Variants in KIF21B observed in about 807,000 individuals in gnomAD.
The protein encoded by KIF21B is kinesin family member 21B, also known as kinesin-like protein KIF21B.
A neutral mutation model predicts 192.9 loss-of-function variants in KIF21B; 85 were observed. That is an observed-to-expected ratio of 0.44 (90% CI 0.37 to 0.53). KIF21B has a LOEUF of 0.53. KIF21B is among the 20% of genes least tolerant of loss of function. The pLI, the probability that KIF21B is intolerant of heterozygous loss-of-function variation, is 0.00. For synonymous variants in KIF21B, 832 were observed against 884.6 expected (o/e 0.94, Z 1.05); for missense variants, 1,716 against 2,194.8 (o/e 0.78, Z 4.36).
intron 1 of KIF21B, among the ~76,000 whole-genome samples, chr1:201,012,764 C>T (rs1180770484): frequency 6.6e-6 from 1 of 152,190 alleles, no homozygotes; most frequent in Non-Finnish European, 1.5e-5. Flanking sequence ...CCACCTCAGC[C>T]TCCCAAGTAG....
In KIF21B at chr1:200,976,804, A is replaced by G. The variant is rs762317273; in HGVS notation, c.4415T>C (p.Val1472Ala). 3.1e-6 allele frequency: 5 copies of G among 1,613,330 alleles called. No individual in the cohort carries two copies. The East Asian group carries it at 8.9e-5, about 29-fold the overall frequency. Residue 1472 changes from valine to alanine, a missense_variant, in exon 32 of 35, where the codon GTG (valine) becomes GCG (alanine). Val to Ala is a moderately conservative substitution (Grantham distance 64, BLOSUM62 0). Coordinates refer to ENST00000461742, the MANE Select transcript of KIF21B (RefSeq NM_001252102.2). ...AACGTAGTGGTCCTTGGAGCCAGTC[A>G]CCACGAGGTCATGCTGGCTGGCCGT... Reference protein sequence around the residue: ...TQTASQHDLVVTGSKDHYVKM... With the variant: ...TQTASQHDLVATGSKDHYVKM...
chr1:200,983,380 A>G (rs1162230772), intron 27 of KIF21B, among the ~76,000 whole-genome samples: 1 of 152,092 alleles, frequency 6.6e-6, no homozygotes, highest in East Asian at 1.9e-4. Flanking sequence ...AGCCCCACAC[A>G]TGGGGAGACG....
At chr1:201,010,208 T>G (rs966508915) in intron 1 of KIF21B, among the ~76,000 whole-genome samples, 1 of 152,194 alleles carries the variant, frequency 6.6e-6, no homozygotes, top group Non-Finnish European at 1.5e-5. Context: ...GCTGGAGCTC[T>G]GCTTCCTTTC....
At chr1:200,981,124 T>C in intron 28 of KIF21B, 28 bp from the exon 29 acceptor site, 2 of 1,571,908 alleles carry the variant, frequency 1.3e-6, no homozygotes, top group South Asian at 1.2e-5. Flanking sequence ...AGAGAAGGCA[T>C]GCTCGTCAGC....
At chr1:200,992,889 T>A in intron 15 of KIF21B, among the ~76,000 whole-genome samples, 1 of 152,158 alleles carries the variant, frequency 6.6e-6, no homozygotes. Context: ...CCAGGCACCC[T>A]CCTCATGACA....
chr1:201,010,335 G>A (rs377043021), intron 1 of KIF21B, among the ~76,000 whole-genome samples: 1 of 152,070 alleles, frequency 6.6e-6, no homozygotes, highest in Non-Finnish European at 1.5e-5. Flanking sequence ...CCTGGGGTGC[G>A]CTCCCAACCC....
intron 3 of KIF21B, among the ~76,000 whole-genome samples, chr1:201,007,261 GACAC>G: frequency 1.4e-5 from 1 of 72,116 alleles, no homozygotes; most frequent in Non-Finnish European, 2.8e-5. Flanking sequence ...GACACACACA[GACAC>G]ACACACGCAG....
intron 15 of KIF21B, among the ~76,000 whole-genome samples, chr1:200,995,972 C>T (rs549858630): frequency 6.6e-6 from 1 of 152,288 alleles, no homozygotes; most frequent in South Asian, 2.1e-4. Flanking sequence ...ACCCCAGCAT[C>T]CCCGCACACT....
At position 200,996,395 on chromosome 1, in the gene KIF21B, C is replaced by T; in HGVS notation, c.2078G>A (p.Ser693Asn). Residue 693 changes from serine (S) to asparagine (N), a missense_variant and splice_region_variant, in exon 15 of 35, where the codon AGC (serine) becomes AAC (asparagine). Coordinates refer to ENST00000461742, the MANE Select transcript of KIF21B (RefSeq NM_001252102.2). ...LERDRVLQNL[S>N]TMECYTEEKA... Reference sequence around the variant, plus strand: ...CTCCTCAGTATAGCACTCCATGGTGCCTGAGAGCAAGGAGACGCAGCTGTC... The same window carrying T: ...CTCCTCAGTATAGCACTCCATGGTGTCTGAGAGCAAGGAGACGCAGCTGTC... 7 of 1,613,698 alleles carry T rather than the reference C, an allele frequency of 4.3e-6. No individual in the cohort carries two copies. Among genetic ancestry groups the T allele is most frequent in the Non-Finnish European group, 5.9e-6 (7 of 1,179,810 alleles).
In KIF21B at chr1:201,005,604, C is replaced by A. The variant is rs776039428; in HGVS notation, c.538G>T (p.Ala180Ser). Reference protein sequence around the residue: ...RRSNIKIHEDANGGIYTTGVT... With the variant: ...RRSNIKIHEDSNGGIYTTGVT... ...CCAGTGGTGTAGATGCCACCGTTTG[C>A]GTCCTCGTGGATCTTGATGTTGGAC... Residue 180 changes from alanine (A) to serine (S), a missense_variant, in exon 4 of 35, where the codon GCA becomes TCA. By Grantham distance (99) the Ala-to-Ser change is moderately conservative. Around this residue, in one of 3 missense-constraint regions of KIF21B, gnomAD observed 1,087 missense variants for 1,316.6 expected, o/e 0.83. Coordinates refer to ENST00000461742, the MANE Select transcript of KIF21B (RefSeq NM_001252102.2). 6.2e-7 allele frequency: 1 copy of A among 1,614,178 alleles called. No individual in the cohort carries two copies. Among genetic ancestry groups the A allele is most frequent in the South Asian group, 1.1e-5 (1 of 91,082 alleles).
At chr1:201,003,897 G>T in intron 7 of KIF21B, 116 bp from the exon 8 acceptor site, 1 of 1,038,248 alleles carries the variant, frequency 9.6e-7, no homozygotes, top group Non-Finnish European at 1.5e-6. Flanking sequence ...AATGCCCAAA[G>T]CACGTGGGCA....
At chr1:201,011,604 C>T (rs1658241565) in intron 1 of KIF21B, among the ~76,000 whole-genome samples, 1 of 152,220 alleles carries the variant, frequency 6.6e-6, no homozygotes, top group Admixed American at 6.5e-5. Context: ...TGGCATTGCA[C>T]ACAGGTACTG....
Position 200,979,833 on chromosome 1 carries a change from G to C in KIF21B, c.3980-118C>G, listed in dbSNP as rs74821382. ...GAAAGGGATCCACAGGGCTCCAGAG[G>C]ACGGAGCTCCAGGTCTGAAGAGGAA... is the stretch of plus-strand genomic sequence containing the variant. On this transcript the variant is annotated intron_variant, in intron 29 of 34. Transcript: ENST00000461742. The C allele has an allele frequency of 7.5e-4, 578 of 769,858 alleles. 4 individuals are homozygous for C. In the African/African-American group the frequency reaches 8.8e-3, roughly 12 times the overall value. The allele number at this position is 769,858 out of a possible 1,614,324, so 47.7% of individuals were successfully genotyped here.
rs1476968212 is a variant in KIF21B, at chr1:200,979,603, G to A, written c.4092C>T (p.Phe1364=). The change falls in exon 30 of 35, where the codon TTC becomes TTT. Residue 1364 remains phenylalanine (F), a synonymous_variant. Transcript: ENST00000461742. ...CCTTGATGTAGGAGGTGGACACGGA[G>A]AACACAAGCCCCGAGTGGCTGCAGT... is the stretch of plus-strand genomic sequence containing the variant. ...IKYCSHSGLV[F]SVSTSYIKVW... 3.1e-6 allele frequency: 5 copies of A among 1,592,674 alleles called. No homozygotes were observed. The highest frequency in any genetic ancestry group is 4.3e-6 in the Non-Finnish European group (5 of 1,169,872).
chr1:200,986,317 A>G (rs1656295737), intron 26 of KIF21B, among the ~76,000 whole-genome samples: 1 of 151,578 alleles, frequency 6.6e-6, no homozygotes, highest in Non-Finnish European at 1.5e-5. Context: ...TGGCTCGGCT[A>G]TGCAGTTTAA....
chr1:200,984,723 C>A, intron 27 of KIF21B, 136 bp downstream of exon 27: 1 of 564,212 alleles, frequency 1.8e-6, no homozygotes, highest in African/African-American at 2.0e-5. Flanking sequence ...GGCATCAGGG[C>A]CTCAGCTCTT....
intron 28 of KIF21B, among the ~76,000 whole-genome samples, chr1:200,981,548 G>A (rs914953085): frequency 6.6e-6 from 1 of 152,202 alleles, no homozygotes; most frequent in African/African-American, 2.4e-5. Context: ...TGAGGGAGGG[G>A]TGCTGAGAGG....
chr1:200,977,673 A>G (rs998474063), intron 30 of KIF21B, among the ~76,000 whole-genome samples: 1 of 147,808 alleles, frequency 6.8e-6, no homozygotes, highest in African/African-American at 2.6e-5. Context: ...CCGGAAATCA[A>G]CCTCTCTGAG....
In KIF21B at chr1:200,973,532, C is replaced by T. The variant is rs528228586; in HGVS notation, c.4861G>A (p.Gly1621Ser). 12 of 1,481,496 alleles carry T rather than the reference C, an allele frequency of 8.1e-6. No homozygotes were observed. The African/African-American group carries it at 8.7e-5, about 11-fold the overall frequency. The allele number at this position is 1,481,496 out of a possible 1,614,324, so 91.8% of individuals were successfully genotyped here. A position where few individuals can be genotyped will look rare whatever the true frequency, so the allele number is the denominator to read the frequency against. ...FWSVRRLPHSGPP is the reference protein window; with the variant it reads ...FWSVRRLPHSSPP ...CTCTGACCTCACTCCTAGGGTGGGCCGCTGTGGGGTAACCGCCGGACACTC... is the reference window on the plus strand; with the variant it reads ...CTCTGACCTCACTCCTAGGGTGGGCTGCTGTGGGGTAACCGCCGGACACTC... The change falls in exon 35 of 35, where the codon GGC becomes AGC. Residue 1621 changes from glycine (G) to serine (S), a missense_variant. Around this residue, in one of 3 missense-constraint regions of KIF21B, gnomAD observed 580 missense variants for 775.5 expected, o/e 0.75. Coordinates refer to ENST00000461742, the MANE Select transcript of KIF21B (RefSeq NM_001252102.2).
Sources: allele counts gnomAD v4.1 joint callset (sites outside exome capture counted in the v4.1 genomes callset), GRCh38; gene constraint gnomAD v4.1.1; regional missense constraint gnomAD v4.1.1; transcripts MANE v1.5; gene names NCBI Gene and HGNC (gene_info 2026-07-23, HGNC 2026-07-21).